TRAF3: variants seen among roughly 807,000 people sequenced by gnomAD.
TRAF3 encodes TNF receptor-associated factor 3.
A neutral mutation model predicts 62.3 loss-of-function variants in TRAF3; 13 were observed. The ratio of observed to expected loss-of-function variants is 0.21; its 90% CI spans 0.14 to 0.33. The LOEUF (loss-of-function observed/expected upper bound fraction) is 0.33, where lower values mean the gene tolerates loss of function less well. Among genes scored for constraint, TRAF3 ranks in the 10% least tolerant of loss-of-function variants. The probability of loss-of-function intolerance (pLI) is 1.00; values close to 1 mark genes in which losing one functional copy is unlikely to be tolerated. For synonymous variants in TRAF3, 269 were observed against 283.4 expected (o/e 0.95, Z 0.51); for missense variants, 440 against 741.8 (o/e 0.59, Z 4.73).
chr14:102,905,159 A>G (rs1890523463), intron 11 of TRAF3, 54 bp from the exon 12 acceptor site: 1 of 1,548,760 alleles, frequency 6.5e-7, no homozygotes, highest in South Asian at 1.1e-5. Context: ...TTGCTTTCCT[A>G]ACCTCTCTGA....
At chr14:102,784,889 G>A (rs1254253876) in intron 1 of TRAF3, among the ~76,000 whole-genome samples, 6 of 152,180 alleles carry the variant, frequency 3.9e-5, no homozygotes, top group Admixed American at 3.3e-4. Flanking sequence ...CAGAGGGCCC[G>A]TGAGTCGGAA....
chr14:102,901,534 G>C (rs980832711), intron 10 of TRAF3, among the ~76,000 whole-genome samples: 2 of 152,170 alleles, frequency 1.3e-5, no homozygotes, highest in African/African-American at 4.8e-5. Context: ...CAGTGGTATT[G>C]TCCCCCAGCA....
intron 2 of TRAF3, among the ~76,000 whole-genome samples, chr14:102,864,147 CTTTTTTTTTT>C (rs1022782387): frequency 3.7e-5 from 5 of 133,952 alleles, no homozygotes; most frequent in African/African-American, 1.1e-4. Flanking sequence ...TTGCCTTTTT[CTTTTTTTTTT>C]TTTTTTTTGG....
In TRAF3 at chr14:102,795,598, A is replaced by ATG. The variant is rs58263343; in HGVS notation, c.-157+17944_-157+17945dup. 1.9e-4 allele frequency among the ~76,000 whole-genome samples: 29 copies of ATG among 149,314 alleles called. No individual in the cohort carries two copies. The East Asian group carries it at 5.0e-3, about 26-fold the overall frequency. ...TGATATGTATGCATGATATGTATAT[A>ATG]TGTGTGTGTGTGTGTGTGTGTGCAT... is the stretch of plus-strand genomic sequence containing the variant. On this transcript the variant is annotated intron_variant, in intron 1 of 11. Coordinates refer to ENST00000392745, the MANE Select transcript of TRAF3 (RefSeq NM_145725.3).
chr14:102,842,332 A>G (rs994748047), intron 2 of TRAF3, among the ~76,000 whole-genome samples: 1 of 148,914 alleles, frequency 6.7e-6, no homozygotes, highest in Non-Finnish European at 1.5e-5. Flanking sequence ...AAAATAATAT[A>G]TACACATGTA....
Position 102,905,878 on chromosome 14 carries a change from AC to A in TRAF3, c.*96del, listed in dbSNP as rs1418858024. On this transcript the variant is annotated 3_prime_UTR_variant, in exon 12 of 12. Coordinates refer to ENST00000392745, the MANE Select transcript of TRAF3 (RefSeq NM_145725.3). ...CTGAGGTCCTCGCGCTCAGAAAAGG[AC>A]CTTGTGAGACGGAGGAAGCGGCAGA... 1 of 1,183,626 alleles carries A rather than the reference AC, an allele frequency of 8.4e-7. No individual in the cohort carries two copies. The highest frequency in any genetic ancestry group is 1.2e-6 in the Non-Finnish European group (1 of 838,032). 73.3% of individuals were successfully genotyped at this position (1,183,626 alleles called of 1,614,324 possible).
chr14:102,856,597 C>T (rs898365568), intron 2 of TRAF3, among the ~76,000 whole-genome samples: 1 of 152,208 alleles, frequency 6.6e-6, no homozygotes, highest in Non-Finnish European at 1.5e-5. Context: ...GTGCCGACCT[C>T]CTGTCTCATC....
At position 102,876,472 on chromosome 14, in the gene TRAF3, C is replaced by T. The variant is rs889446535; in HGVS notation, c.517C>T (p.Arg173Trp). The change falls in exon 6 of 12, where the codon CGG becomes TGG. Residue 173 changes from arginine (R) to tryptophan (W), a missense_variant. Transcript: ENST00000392745. ...RDHVEKACKYREATCSHCKSQ... is the reference protein window; with the variant it reads ...RDHVEKACKYWEATCSHCKSQ... ...CCACGTGGAGAAGGCGTGTAAATAC[C>T]GGGAAGCCACATGCAGCCACTGCAA... 11 of 1,614,064 alleles carry T rather than the reference C, an allele frequency of 6.8e-6. No homozygotes were observed. Among genetic ancestry groups the T allele is most frequent in the Non-Finnish European group, 5.1e-6 (6 of 1,180,040 alleles).
chr14:102,781,062 G>A (rs1226849398), intron 1 of TRAF3, among the ~76,000 whole-genome samples: 6 of 152,208 alleles, frequency 3.9e-5, no homozygotes, highest in African/African-American at 1.4e-4. Flanking sequence ...AATTCTGGAA[G>A]CGTGGTGGGA....
intron 5 of TRAF3, 87 bp from the exon 6 acceptor site, chr14:102,876,271 G>A: frequency 1.4e-6 from 2 of 1,447,134 alleles, no homozygotes; most frequent in Non-Finnish European, 1.9e-6. Flanking sequence ...CATTTCTTTA[G>A]GGTTTCATTG....
At chr14:102,865,413 T>A (rs1887923573) in intron 2 of TRAF3, among the ~76,000 whole-genome samples, 1 of 152,220 alleles carries the variant, frequency 6.6e-6, no homozygotes, top group Middle Eastern at 3.2e-3. Flanking sequence ...TTGACATTGC[T>A]TCTGTGATAG....
intron 4 of TRAF3, among the ~76,000 whole-genome samples, chr14:102,872,427 C>T (rs1888392280): frequency 6.6e-6 from 1 of 152,168 alleles, no homozygotes; most frequent in Admixed American, 6.5e-5. Context: ...GTGCTCCCTG[C>T]CCCCCAGGCC....
intron 1 of TRAF3, among the ~76,000 whole-genome samples, chr14:102,816,734 C>T (rs960729086): frequency 6.6e-5 from 10 of 152,264 alleles, no homozygotes; most frequent in African/African-American, 2.2e-4. Flanking sequence ...TTGTTGGACA[C>T]TTAGGTTGTT....
rs1018313514 is a variant in TRAF3 at position 102,909,186 on chromosome 14, C to T, written c.*3402C>T. The T allele has an allele frequency of 2.0e-5, 3 of 152,234 alleles. No individual in the cohort carries two copies. Among genetic ancestry groups the T allele is most frequent in the Non-Finnish European group, 2.9e-5 (2 of 68,086 alleles). 9.4% of individuals were successfully genotyped at this position (152,234 alleles called of 1,614,324 possible). A position where few individuals can be genotyped will look rare whatever the true frequency, so the allele number is the denominator to read the frequency against. On this transcript the variant is annotated 3_prime_UTR_variant, in exon 12 of 12. Coordinates refer to ENST00000392745, the MANE Select transcript of TRAF3 (RefSeq NM_145725.3). ...CCGACATACGCTGGGCCTTTCAGCT[C>T]GCCGTGCTCTGGTGACACACAGGCG...
intron 1 of TRAF3, among the ~76,000 whole-genome samples, chr14:102,820,615 T>TATATATATATATA (rs1276138493): frequency 1.7e-3 from 27 of 15,806 alleles, no homozygotes; most frequent in African/African-American, 7.2e-3. Context: ...TATATATATA[T>TATATATATATATA]TTTTTTTTTT....
intron 1 of TRAF3, among the ~76,000 whole-genome samples, chr14:102,780,903 C>T (rs545357293): frequency 1.3e-5 from 2 of 152,280 alleles, no homozygotes; most frequent in East Asian, 3.9e-4. Flanking sequence ...CAGACCAGGA[C>T]AGGAGCTTGT....
Position 102,826,851 on chromosome 14 carries a change from G to A in TRAF3, c.-156-3483G>A, listed in dbSNP as rs1243365199. Among the ~76,000 whole-genome samples, 1 of 152,168 alleles carries A rather than the reference G, an allele frequency of 6.6e-6. No individual in the cohort carries two copies. The highest frequency in any genetic ancestry group is 1.9e-4 in the East Asian group (1 of 5,184). ...GCTGTTACTTATGGGTGGCGGCGTG[G>A]TGAGGTCGCACAACACAGAGCTGCC... On this transcript the variant is annotated intron_variant, in intron 1 of 11. Coordinates refer to ENST00000392745, the MANE Select transcript of TRAF3 (RefSeq NM_145725.3). The surrounding 1 kb of genome is among the most constrained non-coding windows in gnomAD (Gnocchi z 4.6).
At chr14:102,832,721 ACT>A (rs1047888684) in intron 2 of TRAF3, among the ~76,000 whole-genome samples, 1 of 152,022 alleles carries the variant, frequency 6.6e-6, no homozygotes, top group Admixed American at 6.6e-5. Context: ...ACACACACCC[ACT>A]CTCTCTTATA....
Position 102,903,652 on chromosome 14 carries a change from A to G in TRAF3, c.1135+223A>G, listed in dbSNP as rs189604898. 8.5e-6 allele frequency: 6 copies of G among 703,686 alleles called. No individual in the cohort carries two copies. In the East Asian group the frequency reaches 1.2e-4, roughly 14 times the overall value. The allele number at this position is 703,686 out of a possible 1,614,324, so 43.6% of individuals were successfully genotyped here. A position where few individuals can be genotyped will look rare whatever the true frequency, so the allele number is the denominator to read the frequency against. ...TTGTCCCCTCCGTGTGAGGCCCTAC[A>G]TGGTGTAGAAAGTAGGGGCAGCTGC... On this transcript the variant is annotated intron_variant, in intron 11 of 11. Coordinates refer to ENST00000392745, the MANE Select transcript of TRAF3 (RefSeq NM_145725.3). The surrounding 1 kb of genome is among the most constrained non-coding windows in gnomAD (Gnocchi z 6.4).
Sources: gnomAD v4.1 joint callset for allele counts (sites outside exome capture counted in the v4.1 genomes callset) on GRCh38, gnomAD v4.1.1 for gene constraint, Gnocchi (gnomAD v3.1) non-coding constraint, MANE v1.5 for transcripts, NCBI Gene and HGNC (gene_info 2026-07-23, HGNC 2026-07-21) for gene names.